The following EML6 variants were observed in gnomAD, a reference collection of about 807,000 sequenced individuals.
EML6 encodes the protein EMAP like 6, also known as echinoderm microtubule-associated protein-like 6.
In EML6, 154 loss-of-function variants were observed where a neutral mutation model predicts 240.1. That is an observed-to-expected ratio of 0.64 (90% CI 0.56 to 0.73). The LOEUF (loss-of-function observed/expected upper bound fraction) is 0.73, where lower values mean the gene tolerates loss of function less well. Ranked by LOEUF, EML6 falls within the 30% of genes least tolerant of loss-of-function variation. The probability of loss-of-function intolerance (pLI) is 0.00; values close to 1 mark genes in which losing one functional copy is unlikely to be tolerated. For missense variants in EML6, 2,964 were observed against 2,474.6 expected (o/e 1.20, Z -4.20); for synonymous variants, 1,148 against 899.0 (o/e 1.28, Z -4.95).
At chr2:54,825,888 AT>A (rs1668567565) in intron 5 of EML6, among the ~76,000 whole-genome samples, 1 of 152,012 alleles carries the variant, frequency 6.6e-6, no homozygotes, top group Admixed American at 6.5e-5. Flanking sequence ...AATGTTACTG[AT>A]TTACTCCCAC....
intron 32 of EML6, among the ~76,000 whole-genome samples, chr2:54,957,355 A>G (rs1266780047): frequency 3.4e-4 from 2 of 5,818 alleles, no homozygotes; most frequent in Non-Finnish European, 2.2e-3. Flanking sequence ...GAATCTTAGG[A>G]AAAAAAAAAA....
chr2:54,959,654 A>G (rs1676403708), intron 34 of EML6, among the ~76,000 whole-genome samples: 2 of 152,080 alleles, frequency 1.3e-5, no homozygotes, highest in Non-Finnish European at 2.9e-5. Flanking sequence ...ACCAACTACT[A>G]GGGAGGCTGA....
chr2:54,768,450 T>C (rs1418690695), intron 2 of EML6, among the ~76,000 whole-genome samples: 2 of 152,216 alleles, frequency 1.3e-5, no homozygotes, highest in Admixed American at 1.3e-4. Flanking sequence ...ATTGGCTCTT[T>C]TGTAAAGTTT....
rs1277531210 is a variant in EML6, at chr2:54,899,679, C to G, written c.3021C>G (p.His1007Gln). 1 of 1,553,698 alleles carries G rather than the reference C, an allele frequency of 6.4e-7. No individual in the cohort carries two copies. The highest frequency in any genetic ancestry group is 8.7e-7 in the Non-Finnish European group (1 of 1,148,128). ...MEGEVWGLAA[H>Q]PLLPICATVS... ...GAGAAGTGTGGGGGTTGGCAGCTCA[C>G]CCTCTCCTGCCCATCTGTGCAACAG... Residue 1007 changes from histidine (H) to glutamine (Q), a missense_variant, in exon 22 of 42, where the codon CAC (histidine) becomes CAG (glutamine). Coordinates refer to ENST00000356458, the MANE Select transcript of EML6 (RefSeq NM_001039753.4).
At chr2:54,926,945 T>A (rs1194453774) in intron 26 of EML6, among the ~76,000 whole-genome samples, 1 of 152,188 alleles carries the variant, frequency 6.6e-6, no homozygotes, top group Non-Finnish European at 1.5e-5. Context: ...GCTCTTTTAC[T>A]TCTGTAAAGA....
chr2:54,780,618 A>T (rs1307507683), intron 2 of EML6, among the ~76,000 whole-genome samples: 1 of 152,248 alleles, frequency 6.6e-6, no homozygotes, highest in Non-Finnish European at 1.5e-5. Context: ...CACCGTTATT[A>T]TGTTAATTGT....
At chr2:54,933,521 G>C (rs1674969229) in intron 28 of EML6, among the ~76,000 whole-genome samples, 1 of 152,090 alleles carries the variant, frequency 6.6e-6, no homozygotes, top group Admixed American at 6.5e-5. Flanking sequence ...ATTACATGAG[G>C]CCAGGAATTC....
intron 13 of EML6, among the ~76,000 whole-genome samples, chr2:54,865,353 T>C (rs893321278): frequency 3.4e-4 from 50 of 148,066 alleles, no homozygotes; most frequent in Non-Finnish European, 2.7e-4. Context: ...GGCATTTGCC[T>C]GTAGTCCCAG....
chr2:54,937,894 A>T (rs955695157), intron 28 of EML6, among the ~76,000 whole-genome samples: 5 of 152,218 alleles, frequency 3.3e-5, no homozygotes, highest in South Asian at 4.1e-4. Context: ...GGTCAATGAG[A>T]ATCAAAGCAA....
Position 54,954,144 on chromosome 2 carries a change from C to T in EML6, c.4474C>T (p.Arg1492Ter), listed in dbSNP as rs775052945. ...VDPEHTITVW[R>*]WQEGAKVASR... ...CCCTGAGCACACCATCACTGTCTGG[C>T]GATGGCAGGAAGGTAAACCAGCACT... Residue 1492 changes from arginine (R) to a stop codon, truncating the protein, a stop_gained, in exon 32 of 42, where the codon CGA (arginine) becomes TGA (stop). Coordinates refer to ENST00000356458, the MANE Select transcript of EML6 (RefSeq NM_001039753.4). LOFTEE classifies it high-confidence loss of function. 5.2e-6 allele frequency: 8 copies of T among 1,550,644 alleles called. No individual in the cohort carries two copies. The South Asian group carries it at 6.0e-5, about 12-fold the overall frequency.
At chr2:54,966,834 G>A (rs1326531125) in intron 38 of EML6, 166 bp from the exon 39 acceptor site, 3 of 477,694 alleles carry the variant, frequency 6.3e-6, no homozygotes, top group Non-Finnish European at 1.2e-5. Context: ...GCCTGCTGTT[G>A]TTGTCATGGG....
intron 35 of EML6, 133 bp downstream of exon 35, chr2:54,960,467 G>C: frequency 1.5e-6 from 1 of 666,446 alleles, no homozygotes; most frequent in Non-Finnish European, 2.6e-6. Context: ...TTGTGCTGTA[G>C]TGGGAAGCAG....
intron 25 of EML6, among the ~76,000 whole-genome samples, chr2:54,911,966 G>C (rs1256781591): frequency 6.6e-6 from 1 of 152,202 alleles, no homozygotes; most frequent in Non-Finnish European, 1.5e-5. Flanking sequence ...ATGAGCCCTG[G>C]TCTAACTGTT....
At chr2:54,936,204 T>C (rs1378170798) in intron 28 of EML6, among the ~76,000 whole-genome samples, 1 of 152,236 alleles carries the variant, frequency 6.6e-6, no homozygotes, top group Non-Finnish European at 1.5e-5. Flanking sequence ...TTGTATACTG[T>C]GGTAACTACA....
chr2:54,843,506 C>G (rs1669572551), intron 7 of EML6, among the ~76,000 whole-genome samples: 1 of 152,084 alleles, frequency 6.6e-6, no homozygotes, highest in Admixed American at 6.6e-5. Flanking sequence ...CTTTTGCAAA[C>G]TAGATTACAA....
chr2:54,847,766 T>G, intron 9 of EML6, 143 bp downstream of exon 9: 1 of 918,960 alleles, frequency 1.1e-6, no homozygotes, highest in Non-Finnish European at 1.6e-6. Context: ...CGATCCCCTA[T>G]CTGTAATTCT....
intron 22 of EML6, among the ~76,000 whole-genome samples, chr2:54,900,217 A>G (rs374930135): frequency 3.3e-5 from 5 of 152,224 alleles, no homozygotes; most frequent in South Asian, 2.1e-4. Flanking sequence ...ACCTAAATGC[A>G]CTAGAACTAT....
chr2:54,954,138 G>C lies in EML6; in HGVS notation c.4468G>C (p.Val1490Leu). The change falls in exon 32 of 42, where the codon GTC becomes CTC. Residue 1490 changes from valine to leucine, a missense_variant. Physicochemically the swap from Val to Leu is conservative, Grantham distance 32. Coordinates refer to ENST00000356458, the MANE Select transcript of EML6 (RefSeq NM_001039753.4). The part of the protein sequence containing the change: ...VGVDPEHTIT[V>L]WRWQEGAKVA... The stretch of plus-strand genomic sequence containing the variant: ...AGTGGACCCTGAGCACACCATCACT[G>C]TCTGGCGATGGCAGGAAGGTAAACC... 1.3e-6 allele frequency: 2 copies of C among 1,551,078 alleles called. No individual in the cohort carries two copies. The highest frequency in any genetic ancestry group is 1.7e-6 in the Non-Finnish European group (2 of 1,146,714).
At chr2:54,833,648 C>T (rs1418479425) in intron 7 of EML6, among the ~76,000 whole-genome samples, 1 of 152,200 alleles carries the variant, frequency 6.6e-6, no homozygotes, top group African/African-American at 2.4e-5. Flanking sequence ...GAAAATGTCA[C>T]TCACATGATG....
Sources: gnomAD v4.1 joint callset for allele counts (sites outside exome capture counted in the v4.1 genomes callset) on GRCh38, gnomAD v4.1.1 for gene constraint, MANE v1.5 for transcripts, NCBI Gene and HGNC (gene_info 2026-07-23, HGNC 2026-07-21) for gene names.